The following TMTC2 variants were observed in gnomAD, a reference collection of about 807,000 sequenced individuals.
TMTC2 encodes transmembrane O-mannosyltransferase targeting cadherins 2.
TMTC2 carries 43 observed loss-of-function variants against 82.4 expected under a neutral mutation model. The observed-to-expected ratio is 0.52, with a 90% CI of 0.41 to 0.67. TMTC2 has a LOEUF of 0.67. TMTC2 is among the 30% of genes least tolerant of loss of function. TMTC2 has a pLI of 0.00. For missense variants in TMTC2, 919 were observed against 1,012.4 expected, an observed-to-expected ratio of 0.91 and a Z score of 1.25; for synonymous variants, 408 against 381.9, an observed-to-expected ratio of 1.07 and a Z score of -0.80.
intron 11 of TMTC2, among the ~76,000 whole-genome samples, chr12:83,070,859 C>T (rs1883084902): frequency 2.0e-5 from 3 of 152,154 alleles, no homozygotes; most frequent in Admixed American, 6.5e-5. Context: ...ACACAGGGTA[C>T]ATCCCTTGTA....
intron 8 of TMTC2, among the ~76,000 whole-genome samples, chr12:83,017,408 A>G (rs1313760028): frequency 6.6e-6 from 1 of 152,198 alleles, no homozygotes; most frequent in East Asian, 1.9e-4. Context: ...TTAGAAGAAC[A>G]ATTTAGACTT....
intron 8 of TMTC2, among the ~76,000 whole-genome samples, chr12:82,993,643 A>T (rs1879492848): frequency 6.6e-6 from 1 of 152,208 alleles, no homozygotes; most frequent in African/African-American, 2.4e-5. Flanking sequence ...GGAGGAGTCA[A>T]AAGTTATATG....
At chr12:82,934,819 C>A (rs1379494773) in intron 4 of TMTC2, among the ~76,000 whole-genome samples, 1 of 152,142 alleles carries the variant, frequency 6.6e-6, no homozygotes, top group Non-Finnish European at 1.5e-5. Context: ...AGTGTTTGAA[C>A]TAATTTAGAC....
At chr12:83,082,047 T>C (rs1883490421) in intron 11 of TMTC2, among the ~76,000 whole-genome samples, 1 of 152,224 alleles carries the variant, frequency 6.6e-6, no homozygotes, top group Non-Finnish European at 1.5e-5. Context: ...AAGCTTTTAC[T>C]GGGTAATTCA....
chr12:83,077,668 G>A (rs553756722), intron 11 of TMTC2, among the ~76,000 whole-genome samples: 5 of 151,796 alleles, frequency 3.3e-5, no homozygotes, highest in African/African-American at 9.7e-5. Context: ...TCTGCCTCCC[G>A]AGTTCAAGCG....
At chr12:83,058,881 A>G (rs966681604) in intron 10 of TMTC2, among the ~76,000 whole-genome samples, 3 of 151,858 alleles carry the variant, frequency 2.0e-5, no homozygotes, top group African/African-American at 7.2e-5. Flanking sequence ...TTTAAAAATG[A>G]GATATTTCAG....
At chr12:82,760,119 T>A (rs1876532243) in intron 1 of TMTC2, 1 of 152,174 alleles carries the variant, frequency 6.6e-6, no homozygotes, top group African/African-American at 2.4e-5. Context: ...CAGGATTAGA[T>A]TAATAAACTA....
At chr12:83,017,813 GA>G (rs5799609) in intron 8 of TMTC2, among the ~76,000 whole-genome samples, 110,839 of 142,474 alleles carry the variant, frequency 0.78, 43,317 homozygotes, top group South Asian at 0.92. Context: ...ATTTATAACT[GA>G]AAAAAAAAAA....
chr12:82,846,845 A>G (rs1044115421), intron 1 of TMTC2, among the ~76,000 whole-genome samples: 4 of 152,136 alleles, frequency 2.6e-5, no homozygotes, highest in Non-Finnish European at 4.4e-5. Context: ...ATTTTTGTCC[A>G]TGAAAGTTTT....
At chr12:82,791,989 T>C (rs1351387881) in intron 1 of TMTC2, among the ~76,000 whole-genome samples, 1 of 152,310 alleles carries the variant, frequency 6.6e-6, no homozygotes, top group Admixed American at 6.5e-5. Context: ...CCCTGCCCCA[T>C]GCTTTGCTAA....
chr12:82,838,457 C>G (rs1263077019), intron 1 of TMTC2, among the ~76,000 whole-genome samples: 1 of 152,140 alleles, frequency 6.6e-6, no homozygotes, highest in Non-Finnish European at 1.5e-5. Context: ...CATGTGGAGC[C>G]CATTAAGCAG....
intron 8 of TMTC2, among the ~76,000 whole-genome samples, chr12:83,028,573 T>A (rs10862567): frequency 0.7 from 106,443 of 152,098 alleles, 37,297 homozygotes; most frequent in East Asian, 0.85. Context: ...CCACCATTAC[T>A]GTATCAGATG....
In TMTC2 at chr12:82,965,649, G is replaced by A; in HGVS notation, c.1774G>A (p.Asp592Asn). 3.7e-6 allele frequency: 6 copies of A among 1,613,828 alleles called. No homozygotes were observed. The highest frequency in any genetic ancestry group is 5.1e-6 in the Non-Finnish European group (6 of 1,179,786). Residue 592 changes from aspartate (D) to asparagine (N), a missense_variant, in exon 6 of 12, where the codon GAT becomes AAT. Physicochemically the swap from Asp to Asn is conservative, Grantham distance 23. Coordinates refer to ENST00000321196, the MANE Select transcript of TMTC2 (RefSeq NM_152588.3). The stretch of plus-strand genomic sequence containing the variant: ...ATTCTTAAAGTGTTCGGAGATCCCA[G>A]ATGAAAACCTAAAGGACCCTCATGC... ...RTFLKCSEIP[D>N]ENLKDPHAHK...
intron 1 of TMTC2, among the ~76,000 whole-genome samples, chr12:82,765,434 G>A (rs996868394): frequency 6.6e-6 from 1 of 152,068 alleles, no homozygotes; most frequent in African/African-American, 2.4e-5. Context: ...CAGTACTTTG[G>A]GAGTCCGAGG....
chr12:82,730,244 A>C (rs111675789), intron 1 of TMTC2, among the ~76,000 whole-genome samples: 1 of 127,316 alleles, frequency 7.9e-6, no homozygotes, highest in Non-Finnish European at 1.6e-5. Context: ...GCAGTAAGCC[A>C]AGATTGCGCT....
At chr12:83,019,827 A>AC (rs1339238499) in intron 8 of TMTC2, among the ~76,000 whole-genome samples, 3 of 151,906 alleles carry the variant, frequency 2.0e-5, no homozygotes, top group Non-Finnish European at 4.4e-5. Flanking sequence ...TATCCTCAGT[A>AC]CCCTCAGAGT....
rs376479815 is a variant in TMTC2 at position 83,061,816 on chromosome 12, C to T, written c.2316C>T (p.Ala772=). 1.9e-5 allele frequency: 31 copies of T among 1,595,276 alleles called. No homozygotes were observed. The highest frequency in any genetic ancestry group is 2.6e-5 in the Non-Finnish European group (30 of 1,171,322). ...EAAEKYYDLA[A]RLRPNYPAAL... ...CTGAGAAGTATTATGATCTGGCAGC[C>T]AGGCTGAGGCCTAATGTAAGTACTT... The change falls in exon 11 of 12, where the codon GCC becomes GCT. Residue 772 remains alanine, a synonymous_variant. Transcript: ENST00000321196.
At chr12:83,123,128 A>G (rs996621029) in intron 11 of TMTC2, among the ~76,000 whole-genome samples, 1 of 152,212 alleles carries the variant, frequency 6.6e-6, no homozygotes, top group African/African-American at 2.4e-5. Context: ...ACACTGTGAC[A>G]ATCACACCCA....
At chr12:82,872,992 A>C (rs1281214886) in intron 2 of TMTC2, among the ~76,000 whole-genome samples, 1 of 152,224 alleles carries the variant, frequency 6.6e-6, no homozygotes, top group Non-Finnish European at 1.5e-5. Context: ...TAACTGGAAT[A>C]AATAAAAACT....
Sources: allele counts gnomAD v4.1 joint callset (sites outside exome capture counted in the v4.1 genomes callset), GRCh38; gene constraint gnomAD v4.1.1; transcripts MANE v1.5; gene names NCBI Gene and HGNC (gene_info 2026-07-23, HGNC 2026-07-21).